PCYT1B: variants seen among roughly 807,000 people sequenced by gnomAD.
PCYT1B encodes the protein phosphate cytidylyltransferase 1B, choline, also known as choline-phosphate cytidylyltransferase B.
Under a neutral mutation model 26.4 loss-of-function variants are expected in PCYT1B, and 10 were observed. That is an observed-to-expected ratio of 0.38 (90% CI 0.23 to 0.64). The LOEUF is 0.64. PCYT1B is among the 30% of genes least tolerant of loss of function. The pLI is 0.56. For synonymous variants in PCYT1B, 131 were observed against 108.4 expected, an observed-to-expected ratio of 1.21 and a Z score of -1.29; for missense variants, 161 against 292.7, an observed-to-expected ratio of 0.55 and a Z score of 3.28.
intron 7 of PCYT1B, among the ~76,000 whole-genome samples, chrX:24,571,136 G>A (rs61587409): frequency 0.017 from 1,938 of 111,658 alleles, 43 homozygotes; most frequent in African/African-American, 0.059. Flanking sequence ...GGCCAAGGTG[G>A]GTGGATCACT....
At chrX:24,620,320 G>A (rs959750282) in intron 1 of PCYT1B, among the ~76,000 whole-genome samples, 4 of 111,534 alleles carry the variant, frequency 3.6e-5, no homozygotes, top group South Asian at 3.8e-4. Flanking sequence ...GACGAGAACC[G>A]ATCCCTCCCC....
intron 2 of PCYT1B, among the ~76,000 whole-genome samples, chrX:24,608,807 G>T (rs1483690101): frequency 8.9e-6 from 1 of 111,777 alleles, no homozygotes; most frequent in African/African-American, 3.3e-5. Flanking sequence ...CCATCAATTT[G>T]GTAGACAAAG....
chrX:24,577,240 C>G (rs1924049157), intron 6 of PCYT1B, among the ~76,000 whole-genome samples: 1 of 111,523 alleles, frequency 9.0e-6, no homozygotes, highest in South Asian at 3.8e-4. Context: ...CACGCCCATG[C>G]AACACATTAG....
At chrX:24,563,308 CG>C (rs1923500141) in intron 7 of PCYT1B, among the ~76,000 whole-genome samples, 1 of 111,554 alleles carries the variant, frequency 9.0e-6, no homozygotes, top group Admixed American at 9.5e-5. Context: ...ACAGGGTGCT[CG>C]GGGAAGGCCC....
upstream of PCYT1B, among the ~76,000 whole-genome samples, chrX:24,648,460 T>TTTTTTTTTTTTTTTTTTTTTTTG (rs1926695891): frequency 1.1e-5 from 1 of 88,763 alleles, no homozygotes; most frequent in African/African-American, 4.3e-5. Context: ...TTTTTTTTTT[T>TTTTTTTTTTTTTTTTTTTTTTTG]TTTTTTTTTT....
chrX:24,670,113 A>AAGG (rs57988714), intron 1 of PCYT1B, among the ~76,000 whole-genome samples: 150 of 23,530 alleles, frequency 6.4e-3, no homozygotes, highest in African/African-American at 0.012. Context: ...AGAAAGAAAG[A>AAGG]AAGGAAGGAA....
intron 7 of PCYT1B, 127 bp downstream of exon 7, chrX:24,575,003 A>C: frequency 2.1e-6 from 1 of 470,980 alleles, no homozygotes; most frequent in East Asian, 3.9e-5. Flanking sequence ...GAAGTCATTC[A>C]GGCTGATGCC....
intron 7 of PCYT1B, among the ~76,000 whole-genome samples, chrX:24,568,766 G>A (rs1923718470): frequency 9.0e-6 from 1 of 111,066 alleles, no homozygotes; most frequent in Non-Finnish European, 1.9e-5. Context: ...AACTTTTCAT[G>A]TTTATTCACA....
intron 1 of PCYT1B, among the ~76,000 whole-genome samples, chrX:24,629,533 C>G (rs755426348): frequency 6.4e-4 from 48 of 75,499 alleles, no homozygotes; most frequent in African/African-American, 2.4e-3. Context: ...GCACTCCAGC[C>G]TGGGTGAAAG....
intron 5 of PCYT1B, among the ~76,000 whole-genome samples, chrX:24,579,870 A>G (rs1464406181): frequency 8.9e-6 from 1 of 112,212 alleles, no homozygotes; most frequent in Admixed American, 9.4e-5. Flanking sequence ...AACCTAACTT[A>G]TCTTTCATTA....
rs188219155 is a variant in PCYT1B, at chrX:24,562,544, C to G, written c.898-39G>C. The G allele has an allele frequency of 1.2e-3, 1,299 of 1,114,304 alleles. 3 individuals are homozygous for G. In the East Asian group the frequency reaches 0.016, roughly 13 times the overall value. The allele number at this position is 1,114,304 out of a possible 1,213,427, so 91.8% of individuals were successfully genotyped here. ...GGAGAGAAGGCATCTGTTAACTTTGCAATCTGAGGCAGCAGCAAAACAAAA... is the reference window on the plus strand; with the variant it reads ...GGAGAGAAGGCATCTGTTAACTTTGGAATCTGAGGCAGCAGCAAAACAAAA... On this transcript the variant is annotated intron_variant, in intron 7 of 7. Coordinates refer to ENST00000379144, the MANE Select transcript of PCYT1B (RefSeq NM_004845.5).
intron 1 of PCYT1B, among the ~76,000 whole-genome samples, chrX:24,621,023 T>C: frequency 8.9e-6 from 1 of 112,088 alleles, no homozygotes; most frequent in Non-Finnish European, 1.9e-5. Context: ...CCTACCAACT[T>C]ATTGACTCTT....
chrX:24,621,271 A>C (rs1015688478), intron 1 of PCYT1B, among the ~76,000 whole-genome samples: 4 of 111,029 alleles, frequency 3.6e-5, no homozygotes, highest in African/African-American at 6.5e-5. Flanking sequence ...ACTTATTTGA[A>C]CCTCAGTTTC....
At chrX:24,576,767 T>C (rs1381325760) in intron 6 of PCYT1B, among the ~76,000 whole-genome samples, 3 of 111,208 alleles carry the variant, frequency 2.7e-5, no homozygotes, top group African/African-American at 9.8e-5. Flanking sequence ...GGGAGGTCAC[T>C]CTGTCTTCCG....
intron 1 of PCYT1B, among the ~76,000 whole-genome samples, chrX:24,645,785 T>C (rs1429993281): frequency 1.8e-5 from 2 of 110,989 alleles, no homozygotes; most frequent in Non-Finnish European, 3.8e-5. Context: ...AATAGAAGCA[T>C]AGGGGAAAAA....
chrX:24,650,241 C>T (rs990985629), upstream of PCYT1B: 2 of 110,366 alleles, frequency 1.8e-5, no homozygotes, highest in African/African-American at 6.6e-5. Context: ...CTAAATATTC[C>T]ATAAGGGTTA....
At position 24,630,781 on chromosome X, in the gene PCYT1B, A is replaced by G. The variant is rs986833344; in HGVS notation, c.118-11697T>C. ...GCAAAATAGCTATTGAGGAAAAAGC[A>G]CAGCATTTTCCTGATGCTGAGTTCT... On this transcript the variant is annotated intron_variant, in intron 1 of 7. Coordinates refer to ENST00000379144, the MANE Select transcript of PCYT1B (RefSeq NM_004845.5). Among the ~76,000 whole-genome samples the G allele has an allele frequency of 6.1e-4, 69 of 112,473 alleles. 1 individual carries two copies. Among genetic ancestry groups the G allele is most frequent in the African/African-American group, 2.2e-3 (68 of 31,024 alleles).
chrX:24,574,082 G>A (rs1237890729), intron 7 of PCYT1B, among the ~76,000 whole-genome samples: 1 of 111,444 alleles, frequency 9.0e-6, no homozygotes, highest in Non-Finnish European at 1.9e-5. Flanking sequence ...GCTCAAACAA[G>A]CAGAGGTAGC....
chrX:24,562,086 T>C lies in PCYT1B; in HGVS notation c.*207A>G. On this transcript the variant is annotated 3_prime_UTR_variant, in exon 8 of 8. Coordinates refer to ENST00000379144, the MANE Select transcript of PCYT1B (RefSeq NM_004845.5). ...CTAAGGTTTGTGTAGGTTGTCCAGC[T>C]AGAAGTCTCTGCACCTCGCCCAACT... is the stretch of plus-strand genomic sequence containing the variant. 2.5e-6 allele frequency: 3 copies of C among 1,209,760 alleles called. No individual in the cohort carries two copies. Among genetic ancestry groups the C allele is most frequent in the Non-Finnish European group, 3.4e-6 (3 of 893,846 alleles).
Sources: gnomAD v4.1 joint callset for allele counts (sites outside exome capture counted in the v4.1 genomes callset) on GRCh38, gnomAD v4.1.1 for gene constraint, MANE v1.5 for transcripts, NCBI Gene and HGNC (gene_info 2026-07-23, HGNC 2026-07-21) for gene names.